Variants in RYR3 observed in about 807,000 individuals in gnomAD.
RYR3 encodes the protein ryanodine receptor 3.
RYR3 carries 207 observed loss-of-function variants against 584.3 expected under a neutral mutation model. The ratio of observed to expected loss-of-function variants is 0.35; its 90% confidence interval spans 0.32 to 0.40. RYR3 has a LOEUF of 0.40. RYR3 is among the 10% of genes least tolerant of loss of function. RYR3 has a pLI of 1.00. For missense variants in RYR3, 5,616 were observed against 6,089.2 expected, an observed-to-expected ratio of 0.92 and a Z score of 2.59; for synonymous variants, 2,416 against 2,248.5, an observed-to-expected ratio of 1.07 and a Z score of -2.11.
At chr15:33,855,715 C>T (rs1375563296) in intron 98 of RYR3, among the ~76,000 whole-genome samples, 1 of 152,100 alleles carries the variant, frequency 6.6e-6, no homozygotes, top group African/African-American at 2.4e-5. Context: ...ACACATAGTA[C>T]ACATTTTATG....
At chr15:33,439,915 T>C (rs184490031) in intron 1 of RYR3, among the ~76,000 whole-genome samples, 2 of 152,346 alleles carry the variant, frequency 1.3e-5, no homozygotes, top group Admixed American at 6.5e-5. Context: ...TTATGTGTTG[T>C]AGGTATACAA....
At chr15:33,481,465 T>G (rs1374760702) in intron 2 of RYR3, among the ~76,000 whole-genome samples, 1 of 130,908 alleles carries the variant, frequency 7.6e-6, no homozygotes, top group Non-Finnish European at 1.6e-5. Flanking sequence ...CCTCTTAGTA[T>G]TATTTTTGAA....
intron 1 of RYR3, among the ~76,000 whole-genome samples, chr15:33,351,058 T>TA (rs535544254): frequency 0.016 from 2,386 of 151,918 alleles, 28 homozygotes; most frequent in Non-Finnish European, 0.025. Flanking sequence ...ATAGATGCAA[T>TA]AAAAAATGAT....
chr15:33,786,583 A>G (rs182639194), intron 66 of RYR3, among the ~76,000 whole-genome samples: 32 of 152,332 alleles, frequency 2.1e-4, no homozygotes, highest in African/African-American at 1.7e-4. Flanking sequence ...CTTCAAAAAA[A>G]GGACAGGCTT....
chr15:33,558,386 T>C (rs1423861609), intron 10 of RYR3, among the ~76,000 whole-genome samples: 2 of 150,436 alleles, frequency 1.3e-5, no homozygotes, highest in Admixed American at 6.7e-5. Context: ...TGAAGAATGA[T>C]GGTTTCCAGC....
chr15:33,638,538 G>T (rs1231489364), intron 27 of RYR3, among the ~76,000 whole-genome samples: 2 of 152,260 alleles, frequency 1.3e-5, no homozygotes, highest in African/African-American at 4.8e-5. Flanking sequence ...AAAGTCCAAA[G>T]CCTTAATACT....
chr15:33,794,045 T>TA (rs1255872390), intron 67 of RYR3, among the ~76,000 whole-genome samples: 1 of 22,094 alleles, frequency 4.5e-5, no homozygotes, highest in Non-Finnish European at 1.1e-4. Context: ...CATAAATACA[T>TA]ATATATAAAT....
intron 1 of RYR3, among the ~76,000 whole-genome samples, chr15:33,315,611 C>G (rs542532083): frequency 2.0e-5 from 3 of 152,220 alleles, no homozygotes; most frequent in Admixed American, 1.3e-4. Flanking sequence ...CTGCTTCCTT[C>G]GCTTCTCAGA....
At chr15:33,860,488 A>G in intron 100 of RYR3, 107 bp from the exon 101 acceptor site, 1 of 629,592 alleles carries the variant, frequency 1.6e-6, no homozygotes, top group Admixed American at 3.3e-5. Flanking sequence ...TTTTGCTTTG[A>G]TAATTCACTT....
At chr15:33,515,906 A>G (rs2053476368) in intron 3 of RYR3, among the ~76,000 whole-genome samples, 1 of 152,228 alleles carries the variant, frequency 6.6e-6, no homozygotes, top group African/African-American at 2.4e-5. Context: ...GTGTGTGTGC[A>G]TAATAGATAC....
intron 2 of RYR3, among the ~76,000 whole-genome samples, chr15:33,475,350 T>C (rs2049283437): frequency 6.6e-6 from 1 of 152,106 alleles, no homozygotes; most frequent in Admixed American, 6.6e-5. Flanking sequence ...AGGATCCAGT[T>C]TTATGGAAGA....
chr15:33,333,333 T>G (rs1370934013), intron 1 of RYR3, among the ~76,000 whole-genome samples: 1 of 152,012 alleles, frequency 6.6e-6, no homozygotes, highest in African/African-American at 2.4e-5. Flanking sequence ...GCAAACCAAA[T>G]CTAGCAGCAC....
chr15:33,693,170 T>G (rs756135862), intron 38 of RYR3, among the ~76,000 whole-genome samples: 42 of 152,238 alleles, frequency 2.8e-4, no homozygotes, highest in Non-Finnish European at 4.1e-4. Context: ...TCTTTGTTTT[T>G]GTCTTGCTTT....
intron 24 of RYR3, among the ~76,000 whole-genome samples, chr15:33,634,328 G>A (rs1335941491): frequency 6.6e-6 from 1 of 152,190 alleles, no homozygotes; most frequent in African/African-American, 2.4e-5. Context: ...TGGGATTACA[G>A]GCATGAGCCA....
intron 2 of RYR3, among the ~76,000 whole-genome samples, chr15:33,480,128 T>C (rs2049826099): frequency 6.6e-6 from 1 of 152,240 alleles, no homozygotes; most frequent in Non-Finnish European, 1.5e-5. Flanking sequence ...CTGACTTTTC[T>C]TCTGCCTTTC....
intron 43 of RYR3, among the ~76,000 whole-genome samples, chr15:33,717,519 C>G (rs551142872): frequency 1.3e-5 from 2 of 152,208 alleles, no homozygotes; most frequent in East Asian, 3.9e-4. Context: ...AATCTATCTT[C>G]TCTCCATCTC....
intron 85 of RYR3, 182 bp from the exon 86 acceptor site, chr15:33,830,781 A>T: frequency 2.0e-6 from 1 of 511,478 alleles, no homozygotes; most frequent in Non-Finnish European, 3.4e-6. Context: ...CTCTGCAGGG[A>T]TATTTGTGCA....
rs1477873548 is a variant in RYR3, at chr15:33,562,832, A to T, written c.973-5A>T. On this transcript the variant is annotated splice_polypyrimidine_tract_variant and splice_region_variant and intron_variant, in intron 10 of 103. Transcript: ENST00000634891. ...TATGTTTGTTTCTTTTTGTGTATGA[A>T]TTAGGAACTCAAGGAGAAATTAGAC... 1 of 1,607,888 alleles carries T rather than the reference A, an allele frequency of 6.2e-7. No homozygotes were observed. The highest frequency in any genetic ancestry group is 8.5e-7 in the Non-Finnish European group (1 of 1,175,034).
chr15:33,454,500 T>A (rs1009076254), intron 1 of RYR3, among the ~76,000 whole-genome samples: 1 of 152,114 alleles, frequency 6.6e-6, no homozygotes, highest in African/African-American at 2.4e-5. Context: ...ACCGAACATA[T>A]CCTCTCTGCT....
Sources: gnomAD v4.1 joint callset for allele counts (sites outside exome capture counted in the v4.1 genomes callset) on GRCh38, gnomAD v4.1.1 for gene constraint, MANE v1.5 for transcripts, NCBI Gene and HGNC (gene_info 2026-07-23, HGNC 2026-07-21) for gene names.